The following FAM135B variants were observed in gnomAD, a reference collection of about 807,000 sequenced individuals.
FAM135B encodes the protein protein FAM135B.
In FAM135B, 43 loss-of-function variants were observed where a neutral mutation model predicts 127.7. That is an observed-to-expected ratio of 0.34 (90% CI 0.26 to 0.43). The LOEUF (loss-of-function observed/expected upper bound fraction) is 0.43, where lower values mean the gene tolerates loss of function less well. FAM135B is among the 20% of genes least tolerant of loss of function. The pLI, the probability that FAM135B is intolerant of heterozygous loss-of-function variation, is 1.00. For missense variants in FAM135B, 1,558 were observed against 1,725.6 expected, an observed-to-expected ratio of 0.90 and a Z score of 1.72; for synonymous variants, 670 against 665.1, an observed-to-expected ratio of 1.01 and a Z score of -0.11.
intron 12 of FAM135B, among the ~76,000 whole-genome samples, chr8:138,166,765 G>A (rs1013190263): frequency 1.3e-5 from 2 of 152,124 alleles, no homozygotes; most frequent in Non-Finnish European, 2.9e-5. Flanking sequence ...TTGGTGACTC[G>A]ATGAGTGACG....
At chr8:138,367,506 C>G (rs1019730406) in intron 2 of FAM135B, 2 of 453,484 alleles carry the variant, frequency 4.4e-6, no homozygotes, top group African/African-American at 4.0e-5. Flanking sequence ...ACAAGTGTTA[C>G]AATACGTGGT....
chr8:138,376,574 T>C (rs895870371), intron 1 of FAM135B, among the ~76,000 whole-genome samples: 3 of 152,178 alleles, frequency 2.0e-5, no homozygotes, highest in Non-Finnish European at 2.9e-5. Flanking sequence ...ATCAACTTCT[T>C]ACTTCTCCAG....
At chr8:138,483,405 C>T (rs1317786453) in intron 1 of FAM135B, among the ~76,000 whole-genome samples, 2 of 152,144 alleles carry the variant, frequency 1.3e-5, no homozygotes, top group African/African-American at 4.8e-5. Context: ...AAGCTGGGGT[C>T]TTAGCCAAGC....
intron 3 of FAM135B, among the ~76,000 whole-genome samples, chr8:138,283,388 G>C (rs1824420862): frequency 6.6e-6 from 1 of 150,612 alleles, no homozygotes; most frequent in Non-Finnish European, 1.5e-5. Flanking sequence ...CTAACTATAT[G>C]ACATTCTGAA....
At chr8:138,159,831 A>G (rs1355653999) in intron 12 of FAM135B, among the ~76,000 whole-genome samples, 1 of 152,176 alleles carries the variant, frequency 6.6e-6, no homozygotes, top group African/African-American at 2.4e-5. Flanking sequence ...AATTTCTCAA[A>G]TGATAAAGAG....
chr8:138,383,553 G>T (rs1831998299), intron 1 of FAM135B, among the ~76,000 whole-genome samples: 1 of 152,264 alleles, frequency 6.6e-6, no homozygotes, highest in East Asian at 1.9e-4. Flanking sequence ...AAGGGAAGAG[G>T]AAACCACAGA....
Position 138,352,050 on chromosome 8 carries a change from A to G in FAM135B, c.77+15857T>C, listed in dbSNP as rs562723961. On this transcript the variant is annotated intron_variant, in intron 2 of 19. Transcript: ENST00000395297. ...TGATCCTGTATGGAACCTTGGAAAC[A>G]CTGACATAATGCTCTGTGCATAATA... is the stretch of plus-strand genomic sequence containing the variant. 1.1e-4 allele frequency among the ~76,000 whole-genome samples: 16 copies of G among 152,232 alleles called. No individual in the cohort carries two copies. The South Asian group carries it at 2.7e-3, about 26-fold the overall frequency.
At chr8:138,275,901 A>C (rs761206633) in intron 3 of FAM135B, among the ~76,000 whole-genome samples, 7 of 152,148 alleles carry the variant, frequency 4.6e-5, no homozygotes, top group Non-Finnish European at 7.3e-5. Flanking sequence ...TGCATGACTG[A>C]CCAAAGCTCC....
chr8:138,480,104 G>A (rs1458737273), intron 1 of FAM135B, among the ~76,000 whole-genome samples: 1 of 152,150 alleles, frequency 6.6e-6, no homozygotes, highest in Non-Finnish European at 1.5e-5. Flanking sequence ...GTCATTCATT[G>A]GATCTGGATG....
intron 1 of FAM135B, among the ~76,000 whole-genome samples, chr8:138,434,539 G>C (rs934817929): frequency 6.6e-6 from 1 of 152,172 alleles, no homozygotes; most frequent in Admixed American, 6.5e-5. Context: ...AAGAGTGTCA[G>C]ACACCAAATT....
intron 7 of FAM135B, among the ~76,000 whole-genome samples, chr8:138,214,659 A>G (rs563614765): frequency 6.6e-6 from 1 of 152,326 alleles, no homozygotes; most frequent in African/African-American, 2.4e-5. Context: ...AGATGGACAC[A>G]TAGGTGAAAA....
chr8:138,164,174 G>C (rs1490997807), intron 12 of FAM135B, among the ~76,000 whole-genome samples: 1 of 152,188 alleles, frequency 6.6e-6, no homozygotes, highest in South Asian at 2.1e-4. Flanking sequence ...TGGGGTTAAA[G>C]AATCATCAAA....
At chr8:138,156,480 C>A (rs1490158230) in intron 12 of FAM135B, among the ~76,000 whole-genome samples, 1 of 150,644 alleles carries the variant, frequency 6.6e-6, no homozygotes, top group East Asian at 2.0e-4. Flanking sequence ...ACACAAAAAA[C>A]CCTTCAAAAA....
intron 1 of FAM135B, among the ~76,000 whole-genome samples, chr8:138,447,810 TA>T (rs11405476): frequency 4.4e-4 from 64 of 144,248 alleles, no homozygotes; most frequent in South Asian, 1.8e-3. Flanking sequence ...AGTATAATAA[TA>T]AAAAAAAAAA....
Position 138,131,046 on chromosome 8 carries a change from C to A in FAM135B, c.*1547G>T, listed in dbSNP as rs1399519926. The A allele has an allele frequency of 6.6e-6, 1 of 152,220 alleles. No homozygotes were observed. The highest frequency in any genetic ancestry group is 1.5e-5 in the Non-Finnish European group (1 of 68,050). The allele number at this position is 152,220 out of a possible 1,614,324, so 9.4% of individuals were successfully genotyped here. A position where few individuals can be genotyped will look rare whatever the true frequency, so the allele number is the denominator to read the frequency against. On this transcript the variant is annotated 3_prime_UTR_variant, in exon 20 of 20. Transcript: ENST00000395297. The stretch of plus-strand genomic sequence containing the variant: ...TCCTGCAAAGCTGCCCATCTGGACT[C>A]ATTCCCATGGTCTGCTTTTATTTTT...
At chr8:138,156,966 T>C (rs1387963112) in intron 12 of FAM135B, among the ~76,000 whole-genome samples, 1 of 152,222 alleles carries the variant, frequency 6.6e-6, no homozygotes, top group Non-Finnish European at 1.5e-5. Context: ...ATCATCCTGA[T>C]ACCAAAGCCT....
At chr8:138,235,351 A>C (rs1208932406) in intron 7 of FAM135B, among the ~76,000 whole-genome samples, 1 of 152,198 alleles carries the variant, frequency 6.6e-6, no homozygotes, top group East Asian at 1.9e-4. Flanking sequence ...AGACAGAGTT[A>C]ATGCTTGATT....
At chr8:138,334,361 T>C (rs1378780185) in intron 2 of FAM135B, among the ~76,000 whole-genome samples, 4 of 152,206 alleles carry the variant, frequency 2.6e-5, no homozygotes, top group Non-Finnish European at 5.9e-5. Flanking sequence ...TATTCACTTA[T>C]TCACTTGTTT....
At chr8:138,429,818 G>GT (rs1168343067) in intron 1 of FAM135B, among the ~76,000 whole-genome samples, 1 of 152,084 alleles carries the variant, frequency 6.6e-6, no homozygotes, top group Non-Finnish European at 1.5e-5. Flanking sequence ...TTAGAACTAT[G>GT]TTTTTTTAAC....
Sources: gnomAD v4.1 joint callset for allele counts (sites outside exome capture counted in the v4.1 genomes callset) on GRCh38, gnomAD v4.1.1 for gene constraint, MANE v1.5 for transcripts, NCBI Gene and HGNC (gene_info 2026-07-23, HGNC 2026-07-21) for gene names.